CLVS1: variants seen among roughly 807,000 people sequenced by gnomAD.
The protein encoded by CLVS1 is clavesin-1.
A neutral mutation model predicts 33.1 loss-of-function variants in CLVS1; 10 were observed. The ratio of observed to expected loss-of-function variants is 0.30; its 90% CI spans 0.19 to 0.51. The LOEUF (loss-of-function observed/expected upper bound fraction) is 0.51. Among genes scored for constraint, CLVS1 ranks in the 20% least tolerant of loss-of-function variants. The pLI, the probability that CLVS1 is intolerant of heterozygous loss-of-function variation, is 0.97. For missense variants in CLVS1, 343 were observed against 433.4 expected (o/e 0.79, Z 1.85); for synonymous variants, 163 against 166.1 (o/e 0.98, Z 0.14).
intron 3 of CLVS1, among the ~76,000 whole-genome samples, chr8:61,436,614 C>T (rs1373703620): frequency 6.6e-6 from 1 of 152,170 alleles, no homozygotes; most frequent in Non-Finnish European, 1.5e-5. Flanking sequence ...CATTAGTCAC[C>T]ACCCCTCAGG....
At chr8:61,442,318 G>C (rs1266365171) in intron 3 of CLVS1, among the ~76,000 whole-genome samples, 1 of 152,132 alleles carries the variant, frequency 6.6e-6, no homozygotes, top group Non-Finnish European at 1.5e-5. Flanking sequence ...TGGTCTGGCT[G>C]TACCAGTTTG....
intron 2 of CLVS1, among the ~76,000 whole-genome samples, chr8:61,281,654 A>G (rs909017849): frequency 6.6e-6 from 1 of 152,176 alleles, no homozygotes; most frequent in Non-Finnish European, 1.5e-5. Context: ...TAGTACAGAG[A>G]GTGCCCTTCC....
At chr8:61,102,478 G>A (rs1805468511) in intron 1 of CLVS1, among the ~76,000 whole-genome samples, 1 of 152,100 alleles carries the variant, frequency 6.6e-6, no homozygotes, top group Admixed American at 6.6e-5. Context: ...GAACTAATTA[G>A]TTCTAATAGT....
At chr8:61,373,987 G>C (rs939787087) in intron 2 of CLVS1, among the ~76,000 whole-genome samples, 7 of 152,140 alleles carry the variant, frequency 4.6e-5, no homozygotes, top group Admixed American at 3.9e-4. Context: ...CTATAGCAAC[G>C]GTAGAAGGGC....
chr8:61,010,343 A>G, the CLVS1 span, among the ~76,000 whole-genome samples: 1 of 152,258 alleles, frequency 6.6e-6, no homozygotes, highest in African/African-American at 2.4e-5. Context: ...AGGTTGATAG[A>G]TAAAATACAG....
chr8:61,230,964 A>G (rs968995417), intron 2 of CLVS1, among the ~76,000 whole-genome samples: 11 of 152,124 alleles, frequency 7.2e-5, no homozygotes, highest in South Asian at 2.1e-4. Flanking sequence ...AATCCTATTC[A>G]TGAGGGTTCT....
At chr8:61,292,085 G>A in intron 1 of CLVS1, 1 of 290,150 alleles carries the variant, frequency 3.4e-6, no homozygotes, top group South Asian at 3.4e-5. Context: ...CTGATGCATG[G>A]ACCACCCTTT....
chr8:61,176,382 C>T (rs1183328086), intron 2 of CLVS1, among the ~76,000 whole-genome samples: 1 of 152,164 alleles, frequency 6.6e-6, no homozygotes, highest in Non-Finnish European at 1.5e-5. Flanking sequence ...ACAAGCCCAG[C>T]CAAGATTGAC....
chr8:61,490,334 AAAAG>A (rs1235488852), intron 5 of CLVS1, among the ~76,000 whole-genome samples: 4 of 151,782 alleles, frequency 2.6e-5, no homozygotes, highest in South Asian at 2.1e-4. Flanking sequence ...AAAAAAAAAA[AAAAG>A]AAGGAAAGAA....
intron 2 of CLVS1, among the ~76,000 whole-genome samples, chr8:61,279,538 A>G (rs1809628321): frequency 1.3e-5 from 2 of 152,100 alleles, no homozygotes; most frequent in Admixed American, 6.5e-5. Flanking sequence ...AGAAAGAGGA[A>G]CTCATAGCAG....
chr8:61,037,251 C>G, the CLVS1 span, among the ~76,000 whole-genome samples: 2 of 152,124 alleles, frequency 1.3e-5, no homozygotes, highest in African/African-American at 4.8e-5. Flanking sequence ...TTAATGGGTA[C>G]TGAATCTCTG....
intron 5 of CLVS1, among the ~76,000 whole-genome samples, chr8:61,467,288 C>T (rs1000782431): frequency 6.6e-6 from 1 of 152,102 alleles, no homozygotes; most frequent in African/African-American, 2.4e-5. Context: ...GCCCTTGCAG[C>T]AGGTTAGATA....
At chr8:61,349,807 G>A (rs1195944137) in intron 2 of CLVS1, among the ~76,000 whole-genome samples, 1 of 152,100 alleles carries the variant, frequency 6.6e-6, no homozygotes, top group Non-Finnish European at 1.5e-5. Context: ...TCACACAGAA[G>A]GGATTGCTGG....
intron 2 of CLVS1, among the ~76,000 whole-genome samples, chr8:61,226,980 G>GTTTTTTTTTTTTTT (rs55718731): frequency 1.7e-4 from 22 of 132,308 alleles, no homozygotes; most frequent in Admixed American, 2.3e-4. Context: ...ACGAAAACAT[G>GTTTTTTTTTTTTTT]TTTTTTTTTT....
chr8:61,494,314 G>A (rs1804196876), intron 5 of CLVS1, among the ~76,000 whole-genome samples: 1 of 152,096 alleles, frequency 6.6e-6, no homozygotes, highest in Admixed American at 6.6e-5. Context: ...AGGGTGGAGA[G>A]AGAGAGAATA....
chr8:61,196,880 A>C lies in CLVS1; in HGVS notation c.-152+65020A>C, dbSNP rs376555865. On this transcript the variant is annotated intron_variant, in intron 2 of 2. Coordinates refer to the CLVS1 transcript ENST00000522621. ...GTGTGGCCAATTCTTCAACAATGCA[A>C]TGTGATTGGAAGTGATGTGTGCAAC... Among the ~76,000 whole-genome samples, 16 of 152,308 alleles carry C rather than the reference A, an allele frequency of 1.1e-4. No individual in the cohort carries two copies. The East Asian group carries it at 2.7e-3, about 26-fold the overall frequency.
chr8:61,186,594 T>C (rs1406285839), intron 2 of CLVS1, among the ~76,000 whole-genome samples: 1 of 151,412 alleles, frequency 6.6e-6, no homozygotes, highest in African/African-American at 2.4e-5. Flanking sequence ...AGGTGGAAAG[T>C]ATATACGAGA....
chr8:61,233,586 A>ACTGCTT (rs1382181777), intron 2 of CLVS1, among the ~76,000 whole-genome samples: 1 of 152,054 alleles, frequency 6.6e-6, no homozygotes, highest in Non-Finnish European at 1.5e-5. Flanking sequence ...AAGATTTCAA[A>ACTGCTT]CTGCTTCTGG....
At chr8:60,990,082 G>A in the CLVS1 span, among the ~76,000 whole-genome samples, 3 of 137,682 alleles carry the variant, frequency 2.2e-5, no homozygotes, top group South Asian at 4.6e-4. Context: ...CCGAGATCGC[G>A]TCACTGCTCT....
Sources: gnomAD v4.1 joint callset for allele counts (sites outside exome capture counted in the v4.1 genomes callset) on GRCh38, gnomAD v4.1.1 for gene constraint, MANE v1.5 for transcripts, NCBI Gene and HGNC (gene_info 2026-07-23, HGNC 2026-07-21) for gene names.